ABCB5: variants seen among roughly 807,000 people sequenced by gnomAD.
ABCB5 encodes ATP-binding cassette sub-family B member 5.
In ABCB5, 155 loss-of-function variants were observed where a neutral mutation model predicts 144.2. The observed-to-expected ratio is 1.08, with a 90% confidence interval of 0.94 to 1.23. The LOEUF (loss-of-function observed/expected upper bound fraction) is 1.23, where lower values mean the gene tolerates loss of function less well. ABCB5 is among the 50% of genes most tolerant of loss of function. ABCB5 has a pLI of 0.00. For synonymous variants in ABCB5, 610 were observed against 528.6 expected, an observed-to-expected ratio of 1.15 and a Z score of -2.11; for missense variants, 1,830 against 1,520.8, an observed-to-expected ratio of 1.20 and a Z score of -3.38.
chr7:20,656,889 T>C (rs1784811818), intron 13 of ABCB5, among the ~76,000 whole-genome samples: 1 of 150,136 alleles, frequency 6.7e-6, no homozygotes, highest in African/African-American at 2.5e-5. Context: ...TTGTGATAGA[T>C]CTAATTTTTC....
At chr7:20,684,845 C>T (rs984965381) in intron 15 of ABCB5, among the ~76,000 whole-genome samples, 6 of 152,124 alleles carry the variant, frequency 3.9e-5, no homozygotes, top group Non-Finnish European at 5.9e-5. Flanking sequence ...CCTTGTGCAC[C>T]TAAATCGACC....
chr7:20,626,232 A>G (rs915884094), intron 2 of ABCB5, among the ~76,000 whole-genome samples: 4 of 152,224 alleles, frequency 2.6e-5, no homozygotes, highest in Admixed American at 6.5e-5. Flanking sequence ...TGGGTAAATC[A>G]AAATAAATGG....
chr7:20,681,938 G>C (rs1785843862), intron 15 of ABCB5, among the ~76,000 whole-genome samples: 1 of 152,046 alleles, frequency 6.6e-6, no homozygotes, highest in African/African-American at 2.4e-5. Flanking sequence ...CAGAAAGGGT[G>C]GCTCACACCT....
intron 12 of ABCB5, among the ~76,000 whole-genome samples, chr7:20,650,755 T>C (rs368671320): frequency 3.9e-5 from 6 of 152,208 alleles, no homozygotes; most frequent in African/African-American, 1.4e-4. Context: ...TTTTACTTCA[T>C]AGTTTTCATT....
At chr7:20,719,106 T>G (rs1238227324) in intron 20 of ABCB5, among the ~76,000 whole-genome samples, 1 of 152,210 alleles carries the variant, frequency 6.6e-6, no homozygotes, top group East Asian at 1.9e-4. Context: ...GTATAAGTAT[T>G]TATGTCTAGA....
At chr7:20,617,702 C>T (rs1000196052) in intron 1 of ABCB5, among the ~76,000 whole-genome samples, 9 of 152,068 alleles carry the variant, frequency 5.9e-5, no homozygotes, top group Non-Finnish European at 4.4e-5. Context: ...TATAATCTAA[C>T]TGTATGCTGT....
chr7:20,739,763 G>A (rs1030486407), intron 24 of ABCB5, among the ~76,000 whole-genome samples: 1 of 151,654 alleles, frequency 6.6e-6, no homozygotes, highest in South Asian at 2.1e-4. Context: ...ATATTCTGCT[G>A]CTTCAGACAC....
chr7:20,654,284 G>T (rs528356073), intron 13 of ABCB5, among the ~76,000 whole-genome samples: 1 of 152,012 alleles, frequency 6.6e-6, no homozygotes, highest in South Asian at 2.1e-4. Flanking sequence ...AACCAGACAT[G>T]CAAAGAAACA....
chr7:20,690,358 T>C (rs941739651), intron 16 of ABCB5, among the ~76,000 whole-genome samples: 1 of 152,232 alleles, frequency 6.6e-6, no homozygotes, highest in East Asian at 1.9e-4. Flanking sequence ...ATCACAACTT[T>C]AGGTTACTTG....
chr7:20,699,478 A>C (rs1786532401), intron 17 of ABCB5, among the ~76,000 whole-genome samples: 1 of 152,172 alleles, frequency 6.6e-6, no homozygotes, highest in East Asian at 1.9e-4. Flanking sequence ...AGGCAGCCGG[A>C]TCACTTGAGG....
intron 23 of ABCB5, among the ~76,000 whole-genome samples, chr7:20,734,763 C>T (rs1429160869): frequency 6.6e-6 from 1 of 152,112 alleles, no homozygotes; most frequent in Non-Finnish European, 1.5e-5. Context: ...CATTTTCATT[C>T]TGCCACCTTA....
Position 20,651,450 on chromosome 7 carries a change from T to C in ABCB5, c.1363T>C (p.Leu455=). ...GGTGGATGAGAATGACATCAGAGCTTTAAATGTGCGGCATTATCGAGACCA... is the reference window on the plus strand; with the variant it reads ...GGTGGATGAGAATGACATCAGAGCTCTAAATGTGCGGCATTATCGAGACCA... ...IMVDENDIRA[L]NVRHYRDHIG... is the part of the protein sequence containing the mutation. Residue 455 remains leucine (L), a synonymous_variant, in exon 13 of 28, where the codon TTA becomes CTA. Coordinates refer to ENST00000404938, the MANE Select transcript of ABCB5 (RefSeq NM_001163941.2). 6.2e-7 allele frequency: 1 copy of C among 1,614,082 alleles called. No individual in the cohort carries two copies. Among genetic ancestry groups the C allele is most frequent in the Non-Finnish European group, 8.5e-7 (1 of 1,180,008 alleles).
At position 20,753,251 on chromosome 7, in the gene ABCB5, A is replaced by C. The variant is rs914800944; in HGVS notation, c.3430-109A>C. The C allele has an allele frequency of 2.1e-5, 29 of 1,388,156 alleles. No individual in the cohort carries two copies. In the African/African-American group the frequency reaches 3.9e-4, roughly 19 times the overall value. The allele number at this position is 1,388,156 out of a possible 1,614,324, so 86.0% of individuals were successfully genotyped here. A position where few individuals can be genotyped will look rare whatever the true frequency, so the allele number is the denominator to read the frequency against. On this transcript the variant is annotated intron_variant, in intron 26 of 27. Transcript: ENST00000404938. The stretch of plus-strand genomic sequence containing the variant: ...GATTTCAACATTTGTTGGGACACAA[A>C]TTTTCAAGAGTAGCAAAATTTGAAA...
rs573188014 is a variant in ABCB5 at position 20,712,156 on chromosome 7, G to A, written c.2421+7349G>A. 4.3e-4 allele frequency among the ~76,000 whole-genome samples: 25 copies of A among 57,648 alleles called. No homozygotes were observed. In the East Asian group the frequency reaches 9.4e-3, roughly 22 times the overall value. 37.8% of individuals were successfully genotyped at this position (57,648 alleles called of 152,430 possible). A position where few individuals can be genotyped will look rare whatever the true frequency, so the allele number is the denominator to read the frequency against. On this transcript the variant is annotated intron_variant, in intron 20 of 27. Coordinates refer to ENST00000404938, the MANE Select transcript of ABCB5 (RefSeq NM_001163941.2). ...AGCCTGGGTGACACAGCAAGACGCC[G>A]TCAAAAAAAAAAAAAAAAAAAAAAA...
At chr7:20,703,642 T>G (rs1381547728) in intron 19 of ABCB5, among the ~76,000 whole-genome samples, 6 of 152,072 alleles carry the variant, frequency 3.9e-5, no homozygotes, top group Non-Finnish European at 8.8e-5. Context: ...TCACTAAAAA[T>G]AAACCATCTT....
intron 13 of ABCB5, 25 bp from the exon 14 acceptor site, chr7:20,658,481 G>C: frequency 6.2e-7 from 1 of 1,608,636 alleles, no homozygotes; most frequent in Non-Finnish European, 8.5e-7. Flanking sequence ...TTCTGTTTCT[G>C]TGCTTCTTTC....
rs1246577023 is a variant in ABCB5 at position 20,681,014 on chromosome 7, CTTTCTT to C, written c.1708-489_1708-484del. ...TCTTTCTTTCTTTCTTTCTTTCTTT[CTTTCTT>C]TCTTTCTTTCTTTCTCTTTCTTTCT... is the stretch of plus-strand genomic sequence containing the variant. On this transcript the variant is annotated intron_variant, in intron 14 of 27. Coordinates refer to ENST00000404938, the MANE Select transcript of ABCB5 (RefSeq NM_001163941.2). Among the ~76,000 whole-genome samples the C allele has an allele frequency of 1.8e-3, 26 of 14,588 alleles. 1 individual carries two copies. Among genetic ancestry groups the C allele is most frequent in the African/African-American group, 5.0e-3 (21 of 4,220 alleles). The allele number at this position is 14,588 out of a possible 152,430, so 9.6% of individuals were successfully genotyped here.
chr7:20,662,970 A>G (rs1207691713), intron 14 of ABCB5, among the ~76,000 whole-genome samples: 3 of 152,222 alleles, frequency 2.0e-5, no homozygotes, highest in African/African-American at 7.2e-5. Flanking sequence ...AATGGATGAT[A>G]ACAGCTAATC....
chr7:20,658,326 T>TC (rs1350868670), intron 13 of ABCB5, among the ~76,000 whole-genome samples, 180 bp from the exon 14 acceptor site: 2 of 135,418 alleles, frequency 1.5e-5, no homozygotes, highest in Non-Finnish European at 3.2e-5. Context: ...TTCTTTGGGC[T>TC]CTTTTTTTTT....
Sources: gnomAD v4.1 joint callset for allele counts (sites outside exome capture counted in the v4.1 genomes callset) on GRCh38, gnomAD v4.1.1 for gene constraint, MANE v1.5 for transcripts, NCBI Gene and HGNC (gene_info 2026-07-23, HGNC 2026-07-21) for gene names.